Variants in BMPR1A observed in about 807,000 individuals in gnomAD.
BMPR1A encodes bone morphogenetic protein receptor type 1A, also known as bone morphogenetic protein receptor type-1A.
Under a neutral mutation model 66.0 loss-of-function variants are expected in BMPR1A, and 7 were observed. That is an observed-to-expected ratio of 0.11 (90% CI 0.06 to 0.20). The LOEUF is 0.20. Ranked by LOEUF, BMPR1A falls within the 10% of genes least tolerant of loss-of-function variation. BMPR1A has a pLI of 1.00. For missense variants in BMPR1A, 408 were observed against 669.1 expected, an observed-to-expected ratio of 0.61 and a Z score of 4.31; for synonymous variants, 200 against 229.7, an observed-to-expected ratio of 0.87 and a Z score of 1.17.
rs113509555 is a variant in BMPR1A, at chr10:86,824,603, A to T, written c.-267-14262A>T. 5.5e-3 allele frequency among the ~76,000 whole-genome samples: 842 copies of T among 152,330 alleles called. 8 individuals are homozygous for T. Among genetic ancestry groups the T allele is most frequent in the Non-Finnish European group, 8.9e-3 (607 of 68,024 alleles). The stretch of plus-strand genomic sequence containing the variant: ...CCTGTTTGAAATCACTAGTTGGCAT[A>T]TTCGTGTACAAGGGATGGATTTTAC... On this transcript the variant is annotated intron_variant, in intron 1 of 12. Transcript: ENST00000372037.
intron 2 of BMPR1A, among the ~76,000 whole-genome samples, chr10:86,850,933 T>A (rs1171823669): frequency 6.6e-6 from 1 of 152,250 alleles, no homozygotes; most frequent in East Asian, 1.9e-4. Context: ...TACAGCTTTA[T>A]ATTATTAGAT....
At chr10:86,854,894 G>A (rs1842617735) in intron 2 of BMPR1A, 1 of 227,808 alleles carries the variant, frequency 4.4e-6, no homozygotes, top group Admixed American at 4.2e-5. Context: ...GACTATCTGG[G>A]TCTGAGATTA....
intron 1 of BMPR1A, among the ~76,000 whole-genome samples, chr10:86,773,188 G>GT (rs11348647): frequency 2.8e-4 from 38 of 134,856 alleles, no homozygotes; most frequent in Admixed American, 3.0e-4. Flanking sequence ...CCACTTTTAA[G>GT]TTTTTTTTTT....
rs1287153328 is a variant in BMPR1A at position 86,923,243 on chromosome 10, G to A, written c.1343-133G>A. The A allele has an allele frequency of 4.6e-6, 5 of 1,093,042 alleles. No homozygotes were observed. The Admixed American group carries it at 1.1e-4, about 25-fold the overall frequency. 67.7% of individuals were successfully genotyped at this position (1,093,042 alleles called of 1,614,324 possible). A position where few individuals can be genotyped will look rare whatever the true frequency, so the allele number is the denominator to read the frequency against. ...AAAACATACATCTACTATTAAGAGT[G>A]AATCATAGTGTCTATATTTTTTCTT... is the stretch of plus-strand genomic sequence containing the variant. On this transcript the variant is annotated intron_variant, in intron 11 of 12. Coordinates refer to ENST00000372037, the MANE Select transcript of BMPR1A (RefSeq NM_004329.3).
chr10:86,798,106 GA>G (rs1749647457), intron 1 of BMPR1A, among the ~76,000 whole-genome samples: 1 of 152,074 alleles, frequency 6.6e-6, no homozygotes, highest in South Asian at 2.1e-4. Flanking sequence ...TAAGGTCATG[GA>G]TGTTTTGTAT....
At chr10:86,833,840 C>G (rs1842306156) in intron 1 of BMPR1A, among the ~76,000 whole-genome samples, 1 of 152,082 alleles carries the variant, frequency 6.6e-6, no homozygotes, top group Non-Finnish European at 1.5e-5. Context: ...TTACTTGTGA[C>G]AAATTGTTTA....
chr10:86,849,112 GTTCAGGCTACT>G (rs1664063824), intron 2 of BMPR1A, among the ~76,000 whole-genome samples: 1 of 152,166 alleles, frequency 6.6e-6, no homozygotes. Context: ...GCTGAGTAAA[GTTCAGGCTACT>G]TTACACTAGC....
intron 5 of BMPR1A, among the ~76,000 whole-genome samples, chr10:86,894,242 C>T (rs79677451): frequency 0.034 from 5,157 of 152,344 alleles, 198 homozygotes; most frequent in African/African-American, 0.093. Flanking sequence ...CCCTATGCTA[C>T]TCACTCATGC....
At chr10:86,860,137 C>A (rs904772427) in intron 2 of BMPR1A, among the ~76,000 whole-genome samples, 1 of 152,074 alleles carries the variant, frequency 6.6e-6, no homozygotes, top group Non-Finnish European at 1.5e-5. Flanking sequence ...ACCAGCATGG[C>A]AAGACCCTAT....
At chr10:86,922,739 G>A (rs1843685683) in intron 11 of BMPR1A, among the ~76,000 whole-genome samples, 1 of 152,234 alleles carries the variant, frequency 6.6e-6, no homozygotes, top group African/African-American at 2.4e-5. Context: ...TTTACTGGAG[G>A]CTGGTCACAT....
chr10:86,878,233 T>C (rs7901424), intron 3 of BMPR1A, among the ~76,000 whole-genome samples: 5,127 of 152,244 alleles, frequency 0.034, 301 homozygotes, highest in African/African-American at 0.12. Context: ...TGATGTAAAA[T>C]AGAAATAATA....
At chr10:86,892,317 A>G in intron 5 of BMPR1A, 88 bp downstream of exon 5, 1 of 1,004,962 alleles carries the variant, frequency 1.0e-6, no homozygotes, top group Non-Finnish European at 1.6e-6. Flanking sequence ...TGCCTGGTGT[A>G]CACATCGCTG....
intron 1 of BMPR1A, among the ~76,000 whole-genome samples, chr10:86,795,412 A>AT (rs1459982589): frequency 8.1e-4 from 67 of 82,320 alleles, no homozygotes; most frequent in Admixed American, 7.7e-3. Context: ...TTAAAAAGTG[A>AT]TTTGTTTTTT....
chr10:86,811,745 G>T (rs529273881), intron 1 of BMPR1A, among the ~76,000 whole-genome samples: 1 of 152,216 alleles, frequency 6.6e-6, no homozygotes, highest in East Asian at 1.9e-4. Flanking sequence ...TGCTGATTAG[G>T]TCTTCATTGG....
At chr10:86,762,056 T>C (rs889507652) in intron 1 of BMPR1A, among the ~76,000 whole-genome samples, 6 of 152,228 alleles carry the variant, frequency 3.9e-5, no homozygotes, top group Non-Finnish European at 8.8e-5. Context: ...CAAGTGACTC[T>C]TGCTTACAAG....
At chr10:86,800,362 A>G (rs1841794251) in intron 1 of BMPR1A, among the ~76,000 whole-genome samples, 1 of 152,084 alleles carries the variant, frequency 6.6e-6, no homozygotes, top group Non-Finnish European at 1.5e-5. Context: ...GTTCCTATCA[A>G]AAGAGGGAAA....
At chr10:86,837,855 A>G (rs1171497840) in intron 1 of BMPR1A, among the ~76,000 whole-genome samples, 1 of 152,194 alleles carries the variant, frequency 6.6e-6, no homozygotes, top group African/African-American at 2.4e-5. Flanking sequence ...TGCTGAGCGG[A>G]GACTCTTGTC....
At chr10:86,918,271 A>T (rs1843606743) in intron 9 of BMPR1A, among the ~76,000 whole-genome samples, 1 of 151,842 alleles carries the variant, frequency 6.6e-6, no homozygotes, top group Non-Finnish European at 1.5e-5. Flanking sequence ...ACGTTTATAG[A>T]TGACATGGAT....
At chr10:86,916,992 C>CAAA in intron 8 of BMPR1A, 142 bp from the exon 9 acceptor site, 6 of 762,716 alleles carry the variant, frequency 7.9e-6, no homozygotes, top group Non-Finnish European at 1.2e-5. Context: ...GACTCCATCT[C>CAAA]AAAAAAAAAA....
Sources: gnomAD v4.1 joint callset for allele counts (sites outside exome capture counted in the v4.1 genomes callset) on GRCh38, gnomAD v4.1.1 for gene constraint, MANE v1.5 for transcripts, NCBI Gene and HGNC (gene_info 2026-07-23, HGNC 2026-07-21) for gene names.